The following ZNHIT3 variants were observed in gnomAD, a reference collection of about 807,000 sequenced individuals.
The protein encoded by ZNHIT3 is zinc finger HIT domain-containing protein 3.
A neutral mutation model predicts 19.9 loss-of-function variants in ZNHIT3; 27 were observed. That is an observed-to-expected ratio of 1.36 (90% CI 1.00 to 1.87). ZNHIT3 has a LOEUF of 1.87. ZNHIT3 is among the 40% of genes most tolerant of loss of function. The probability of loss-of-function intolerance (pLI) is 0.00; values close to 1 mark genes in which losing one functional copy is unlikely to be tolerated. For synonymous variants in ZNHIT3, 81 were observed against 65.7 expected, an observed-to-expected ratio of 1.23 and a Z score of -1.13; for missense variants, 215 against 185.6, an observed-to-expected ratio of 1.16 and a Z score of -0.92.
At chr17:36,494,137 C>T (rs1207995458) in intron 4 of ZNHIT3, 131 bp downstream of exon 4, 2 of 659,072 alleles carry the variant, frequency 3.0e-6, no homozygotes, top group African/African-American at 1.8e-5. Context: ...GCCACATAAT[C>T]TGTAAACATA....
Position 36,493,952 on chromosome 17 carries a change from C to G in ZNHIT3, c.232C>G (p.Leu78Val). Residue 78 changes from leucine (L) to valine (V), a missense_variant, in exon 4 of 5, where the codon CTC (leucine) becomes GTC (valine). Leu to Val is a conservative substitution (Grantham distance 32, BLOSUM62 1). Transcript: ENST00000617429. ...KDDDDSIADF[L>V]NSDEEEDRVS... ...TGATGATGACTCTATAGCTGATTTT[C>G]TCAATAGTGATGAGGAAGAAGACAG... 1.9e-6 allele frequency: 3 copies of G among 1,613,684 alleles called. No individual in the cohort carries two copies. The highest frequency in any genetic ancestry group is 2.5e-6 in the Non-Finnish European group (3 of 1,179,668).
intron 3 of ZNHIT3, 30 bp from the exon 4 acceptor site, chr17:36,493,896 A>G: frequency 2.6e-6 from 4 of 1,539,266 alleles, no homozygotes; most frequent in Non-Finnish European, 3.6e-6. Flanking sequence ...CTTTTTAGCC[A>G]TGAGCCATTG....
downstream of ZNHIT3, chr17:36,498,684 A>T: frequency 3.4e-6 from 4 of 1,183,020 alleles, no homozygotes; most frequent in Non-Finnish European, 4.6e-6. Flanking sequence ...GGTTGCAAAC[A>T]GCTGGCTGCC....
chr17:36,494,691 G>A (rs2070835824), intron 4 of ZNHIT3, among the ~76,000 whole-genome samples: 1 of 152,200 alleles, frequency 6.6e-6, no homozygotes, highest in South Asian at 2.1e-4. Context: ...AAATTTTACA[G>A]ACTGTGAAGT....
At chr17:36,498,752 G>A (rs749472804), downstream of ZNHIT3, 133 of 624,360 alleles carry the variant, frequency 2.1e-4, no homozygotes, top group Non-Finnish European at 3.5e-4. Context: ...ACTGTGCTTA[G>A]GCCTTACATA....
chr17:36,498,625 C>G, downstream of ZNHIT3: 7 of 1,472,888 alleles, frequency 4.8e-6, no homozygotes, highest in East Asian at 2.4e-5. Context: ...AAATGGAAAT[C>G]AAAACTATCT....
Position 36,486,944 on chromosome 17 carries a change from A to G in ZNHIT3, c.96A>G (p.Val32=). 6 of 1,611,360 alleles carry G rather than the reference A, an allele frequency of 3.7e-6. No homozygotes were observed. The highest frequency in any genetic ancestry group is 5.1e-6 in the Non-Finnish European group (6 of 1,179,482). The part of the protein sequence containing the change: ...CPACRVPYCS[V]VCFRKHKEQC... ...GCCTCTGTTGTTACAGCTGCTCGGT[A>G]GTCTGCTTCCGGAAGCACAAAGGTG... is the stretch of plus-strand genomic sequence containing the variant. Residue 32 remains valine, a synonymous_variant, in exon 2 of 5, where the codon GTA becomes GTG. Transcript: ENST00000617429.
chr17:36,498,799 T>C, downstream of ZNHIT3: 2 of 597,178 alleles, frequency 3.3e-6, no homozygotes, highest in South Asian at 2.1e-5. Context: ...CATCAAGATA[T>C]AACTGATATG....
At chr17:36,488,238 C>T (rs2070632541) in intron 2 of ZNHIT3, among the ~76,000 whole-genome samples, 1 of 151,218 alleles carries the variant, frequency 6.6e-6, no homozygotes, top group South Asian at 2.1e-4. Flanking sequence ...ATATATTGGG[C>T]ACTTTTTAAA....
At chr17:36,496,735 T>C (rs941580831), downstream of ZNHIT3, among the ~76,000 whole-genome samples, 5 of 152,198 alleles carry the variant, frequency 3.3e-5, no homozygotes, top group African/African-American at 4.8e-5. Context: ...TTCCTCTGAA[T>C]GGAAATTTGG....
downstream of ZNHIT3, chr17:36,499,284 A>G: frequency 1.6e-6 from 1 of 620,850 alleles, no homozygotes; most frequent in Non-Finnish European, 2.8e-6. Flanking sequence ...TTTTTCAATA[A>G]ATTGCTACAA....
In ZNHIT3 at chr17:36,494,013, CT is replaced by C. The variant is rs1237437097; in HGVS notation, c.286+8del. On this transcript the variant is annotated splice_region_variant and intron_variant, in intron 4 of 4. Coordinates refer to ENST00000617429, the MANE Select transcript of ZNHIT3 (RefSeq NM_004773.4). ...CAGAATTTAAAGAATTTAGGTAAGTCTGTGCTATGCTTGTCAATCGTTGAGA... is the reference window on the plus strand; with the variant it reads ...CAGAATTTAAAGAATTTAGGTAAGTCGTGCTATGCTTGTCAATCGTTGAGA... 1 of 1,596,328 alleles carries C rather than the reference CT, an allele frequency of 6.3e-7. No individual in the cohort carries two copies. The highest frequency in any genetic ancestry group is 8.6e-7 in the Non-Finnish European group (1 of 1,164,582).
chr17:36,487,051 T>A lies in ZNHIT3; in HGVS notation c.118+85T>A, dbSNP rs140135306. On this transcript the variant is annotated intron_variant, in intron 2 of 4. Transcript: ENST00000617429. ...CCTCCGTCTTGGGGGCGTGGACCCT[T>A]GGGCTGCGCTTCCTTTCCCGCCTCG... is the stretch of plus-strand genomic sequence containing the variant. 2.4e-4 allele frequency: 364 copies of A among 1,541,792 alleles called. 3 individuals carry two copies. In the African/African-American group the frequency reaches 4.5e-3, roughly 19 times the overall value.
rs1311552339 is a variant in ZNHIT3 at position 36,486,916 on chromosome 17, G to C, written c.87-19G>C. ...GGGACCCTCGGGGCTGACGCGGCCT[G>C]TGGCCTCTGTTGTTACAGCTGCTCG... On this transcript the variant is annotated intron_variant, in intron 1 of 4. Transcript: ENST00000617429. 6.2e-7 allele frequency: 1 copy of C among 1,606,750 alleles called. No homozygotes were observed.
At chr17:36,493,140 G>C (rs1599153201) in intron 3 of ZNHIT3, 3 of 573,024 alleles carry the variant, frequency 5.2e-6, no homozygotes, top group Non-Finnish European at 9.3e-6. Flanking sequence ...GAAAGGCCAT[G>C]GCTGTGGTTT....
intron 2 of ZNHIT3, among the ~76,000 whole-genome samples, chr17:36,487,311 TG>T (rs1312207069): frequency 6.6e-6 from 1 of 152,234 alleles, no homozygotes; most frequent in African/African-American, 2.4e-5. Flanking sequence ...AGTATTCTGA[TG>T]TAGCCCCTCA....
chr17:36,498,670 A>G, downstream of ZNHIT3: 4 of 1,300,034 alleles, frequency 3.1e-6, no homozygotes, highest in South Asian at 6.2e-5. Context: ...AACTGAAGGC[A>G]CCTGGTTGCA....
downstream of ZNHIT3, chr17:36,499,251 C>T: frequency 1.3e-6 from 1 of 759,918 alleles, no homozygotes; most frequent in East Asian, 3.1e-5. Context: ...CAGTTGCTGT[C>T]AAAGTTTCAA....
intron 2 of ZNHIT3, chr17:36,489,672 G>C (rs60979629): frequency 6.7e-6 from 1 of 150,158 alleles, no homozygotes; most frequent in Non-Finnish European, 1.5e-5. Context: ...CTTGTCGCCC[G>C]GGCTGGAGTA....
Sources: allele counts gnomAD v4.1 joint callset (sites outside exome capture counted in the v4.1 genomes callset), GRCh38; gene constraint gnomAD v4.1.1; transcripts MANE v1.5; gene names NCBI Gene and HGNC (gene_info 2026-07-23, HGNC 2026-07-21).